The following MTAP variants were observed in gnomAD, a reference collection of about 807,000 sequenced individuals.
MTAP encodes S-methyl-5'-thioadenosine phosphorylase.
In MTAP, 33 loss-of-function variants were observed where a neutral mutation model predicts 33.6. The ratio of observed to expected loss-of-function variants is 0.98; its 90% confidence interval spans 0.74 to 1.31. The LOEUF (loss-of-function observed/expected upper bound fraction) is 1.31. MTAP is among the 40% of genes most tolerant of loss of function. The pLI is 0.00. For missense variants in MTAP, 367 were observed against 360.0 expected (o/e 1.02, Z -0.16); for synonymous variants, 148 against 125.7 (o/e 1.18, Z -1.19).
chr9:21,903,663 C>G (rs902065764), intron 1 of MTAP, among the ~76,000 whole-genome samples: 1 of 152,200 alleles, frequency 6.6e-6, no homozygotes, highest in Admixed American at 6.5e-5. Flanking sequence ...ACACTCTGAG[C>G]TACCCTTATA....
intron 1 of MTAP, among the ~76,000 whole-genome samples, chr9:21,872,250 G>T (rs1825948293): frequency 6.6e-6 from 1 of 152,158 alleles, no homozygotes; most frequent in South Asian, 2.1e-4. Flanking sequence ...CCAGAAGGCG[G>T]GAGGTTGCAG....
chr9:21,873,619 C>G (rs997923496), intron 1 of MTAP, among the ~76,000 whole-genome samples: 12 of 112,752 alleles, frequency 1.1e-4, no homozygotes, highest in Admixed American at 1.0e-3. Flanking sequence ...CGCCCCCCAC[C>G]CCAAGAACTG....
Position 21,807,659 on chromosome 9 carries a change from T to C in MTAP, c.33+4878T>C, listed in dbSNP as rs73429322. On this transcript the variant is annotated intron_variant, in intron 1 of 7. Coordinates refer to ENST00000644715, the MANE Select transcript of MTAP (RefSeq NM_002451.4). ...GACATTTAGTTGAGGACCCCAAGGC[T>C]AAATCCCAAAAAAGACTACCTGCTG... Among the ~76,000 whole-genome samples, 131 of 152,252 alleles carry C rather than the reference T, an allele frequency of 8.6e-4. 1 individual carries two copies. The highest frequency in any genetic ancestry group is 3.1e-3 in the African/African-American group (128 of 41,550).
chr9:21,897,827 A>G (rs908372023), intron 1 of MTAP, among the ~76,000 whole-genome samples: 29 of 152,246 alleles, frequency 1.9e-4, no homozygotes, highest in African/African-American at 5.8e-4. Flanking sequence ...TATAGATTCA[A>G]TGCCATCCCC....
chr9:21,900,325 A>T (rs1039773541), intron 1 of MTAP, among the ~76,000 whole-genome samples: 3 of 152,344 alleles, frequency 2.0e-5, no homozygotes, highest in African/African-American at 7.2e-5. Flanking sequence ...AAACAAATTA[A>T]CAAGGAAAAA....
intron 1 of MTAP, among the ~76,000 whole-genome samples, chr9:21,895,174 C>A (rs946297939): frequency 6.6e-6 from 1 of 152,088 alleles, no homozygotes; most frequent in African/African-American, 2.4e-5. Flanking sequence ...TAGAAAAAAC[C>A]ATTCTAAAAT....
chr9:21,865,185 A>ACCC lies in MTAP; in HGVS notation c.*3174_*3176dup. 1 of 717,078 alleles carries ACCC rather than the reference A, an allele frequency of 1.4e-6. No individual in the cohort carries two copies. The highest frequency in any genetic ancestry group is 1.7e-6 in the Non-Finnish European group (1 of 585,078). 44.4% of individuals were successfully genotyped at this position (717,078 alleles called of 1,614,324 possible). ...AGGTAATTAAATCATGGGGGTGGTT[A>ACCC]CCCCCACACTGCTGTTCTCATGATA... On this transcript the variant is annotated 3_prime_UTR_variant, in exon 8 of 8. Transcript: ENST00000644715.
At chr9:21,820,994 G>A (rs1294787277) in intron 4 of MTAP, among the ~76,000 whole-genome samples, 4 of 152,374 alleles carry the variant, frequency 2.6e-5, no homozygotes, top group South Asian at 4.1e-4. Flanking sequence ...AGACTTTGCT[G>A]AAGTTGCTTT....
chr9:21,852,236 C>G (rs1044139091), intron 5 of MTAP, among the ~76,000 whole-genome samples: 1 of 152,080 alleles, frequency 6.6e-6, no homozygotes, highest in African/African-American at 2.4e-5. Flanking sequence ...GGGCCGGGCG[C>G]AGTGGCTCAT....
Position 21,865,038 on chromosome 9 carries a change from G to T in MTAP, c.*3024G>T. On this transcript the variant is annotated 3_prime_UTR_variant, in exon 8 of 8. Transcript: ENST00000644715. Reference sequence around the variant, plus strand: ...CTGATGGGTTAGGAAGTCACGAAATGAGGAGTTCTTGCCACATTTGCAGAG... The same window carrying T: ...CTGATGGGTTAGGAAGTCACGAAATTAGGAGTTCTTGCCACATTTGCAGAG... The T allele has an allele frequency of 1.0e-6, 1 of 985,460 alleles. No homozygotes were observed. Among genetic ancestry groups the T allele is most frequent in the Non-Finnish European group, 1.2e-6 (1 of 829,948 alleles). 61.0% of individuals were successfully genotyped at this position (985,460 alleles called of 1,614,324 possible). A position where few individuals can be genotyped will look rare whatever the true frequency, so the allele number is the denominator to read the frequency against.
At position 21,864,882 on chromosome 9, in the gene MTAP, C is replaced by T; in HGVS notation, c.*2868C>T. 1.0e-6 allele frequency: 1 copy of T among 985,458 alleles called. No individual in the cohort carries two copies. Among genetic ancestry groups the T allele is most frequent in the South Asian group, 4.7e-5 (1 of 21,282 alleles). 61.0% of individuals were successfully genotyped at this position (985,458 alleles called of 1,614,324 possible). On this transcript the variant is annotated 3_prime_UTR_variant, in exon 8 of 8. Transcript: ENST00000644715. ...TGCTACCTCAGGGCATGGTTGTGGC[C>T]CCACCAACACCTATTTTCCAAATAA...
chr9:21,863,869 C>T lies in MTAP; in HGVS notation c.*1855C>T. 2.0e-6 allele frequency: 2 copies of T among 985,760 alleles called. No individual in the cohort carries two copies. The highest frequency in any genetic ancestry group is 2.4e-6 in the Non-Finnish European group (2 of 829,904). The allele number at this position is 985,760 out of a possible 1,614,324, so 61.1% of individuals were successfully genotyped here. On this transcript the variant is annotated 3_prime_UTR_variant, in exon 8 of 8. Coordinates refer to ENST00000644715, the MANE Select transcript of MTAP (RefSeq NM_002451.4). ...GTTACCCTCCAGTATTAATATGACT[C>T]ATTAGTGTGAGCCATTTGGGTCAAG...
intron 2 of MTAP, among the ~76,000 whole-genome samples, chr9:21,816,107 G>A (rs932056052): frequency 2.6e-5 from 4 of 152,068 alleles, no homozygotes; most frequent in Admixed American, 2.0e-4. Flanking sequence ...ATATTGCTAC[G>A]TCCTCTGGTC....
intron 1 of MTAP, among the ~76,000 whole-genome samples, chr9:21,919,081 A>T (rs1313204646): frequency 6.6e-6 from 1 of 152,170 alleles, no homozygotes; most frequent in African/African-American, 2.4e-5. Flanking sequence ...TAGCAATATA[A>T]ATATTATTGT....
At chr9:21,878,145 G>T (rs934726567) in intron 1 of MTAP, among the ~76,000 whole-genome samples, 4 of 152,138 alleles carry the variant, frequency 2.6e-5, no homozygotes, top group African/African-American at 9.7e-5. Context: ...GTTCATAGGG[G>T]TGTTTATAGA....
intron 4 of MTAP, among the ~76,000 whole-genome samples, chr9:21,824,365 C>T (rs1449141506): frequency 2.0e-5 from 3 of 152,160 alleles, no homozygotes; most frequent in South Asian, 2.1e-4. Flanking sequence ...GCTGGAGGTC[C>T]ACTCCAGACC....
At chr9:21,921,617 T>G (rs1450069711) in intron 1 of MTAP, among the ~76,000 whole-genome samples, 1 of 152,220 alleles carries the variant, frequency 6.6e-6, no homozygotes, top group Admixed American at 6.5e-5. Flanking sequence ...CAATGGAATG[T>G]AGATTTTGAT....
intron 1 of MTAP, chr9:21,930,190 G>A: frequency 3.0e-6 from 1 of 337,056 alleles, no homozygotes. Context: ...GAAACCAAGG[G>A]AGCTAATCAG....
At chr9:21,880,992 T>G (rs1818002737) in intron 1 of MTAP, among the ~76,000 whole-genome samples, 1 of 152,022 alleles carries the variant, frequency 6.6e-6, no homozygotes, top group Admixed American at 6.6e-5. Context: ...AGTCTGACAA[T>G]GCCTGATTTC....
Sources: allele counts gnomAD v4.1 joint callset (sites outside exome capture counted in the v4.1 genomes callset), GRCh38; gene constraint gnomAD v4.1.1; transcripts MANE v1.5; gene names NCBI Gene and HGNC (gene_info 2026-07-23, HGNC 2026-07-21).